Variants in NT5DC4 observed in about 807,000 individuals in gnomAD.
The protein encoded by NT5DC4 is 5'-nucleotidase domain containing 4.
In NT5DC4, 44 loss-of-function variants were observed where a neutral mutation model predicts 26.6. That is an observed-to-expected ratio of 1.65 (90% CI 1.30 to 2.13). The LOEUF is 2.13. Ranked by LOEUF, NT5DC4 falls within the 30% of genes most tolerant of loss-of-function variation. NT5DC4 has a pLI of 0.00. For missense variants in NT5DC4, 399 were observed against 228.1 expected (o/e 1.75, Z -4.83); for synonymous variants, 157 against 86.7 (o/e 1.81, Z -4.51).
chr2:112,724,166 G>C (rs1175795914), intron 10 of NT5DC4, 40 bp downstream of exon 10: 1 of 716,830 alleles, frequency 1.4e-6, no homozygotes, highest in Non-Finnish European at 2.6e-6. Context: ...GGGGTGGGCT[G>C]TGCAAAGGGC....
At chr2:112,719,986 C>T (rs60494832), upstream of NT5DC4, among the ~76,000 whole-genome samples, 191 of 75,168 alleles carry the variant, frequency 2.5e-3, 1 homozygote, top group Admixed American at 6.2e-3. Flanking sequence ...TTCTTTCTTT[C>T]TTTTTCTTTT....
downstream of NT5DC4, chr2:112,742,692 A>G (rs1347601014): frequency 1.9e-6 from 3 of 1,542,868 alleles, no homozygotes; most frequent in Non-Finnish European, 2.7e-6. Flanking sequence ...ATTTAAATTC[A>G]AAAATAATAG....
chr2:112,727,941 G>A (rs1249485196), intron 15 of NT5DC4, among the ~76,000 whole-genome samples: 1 of 152,218 alleles, frequency 6.6e-6, no homozygotes, highest in Non-Finnish European at 1.5e-5. Flanking sequence ...CTGTACTTCC[G>A]AGTGAGCTCA....
chr2:112,724,442 C>T, intron 10 of NT5DC4: 1 of 573,034 alleles, frequency 1.7e-6, no homozygotes, highest in South Asian at 2.1e-5. Context: ...GTCCTGGGCA[C>T]TGGGAGTGAC....
In NT5DC4 at chr2:112,724,838, C is replaced by T; in HGVS notation, c.847C>T (p.Gln283Ter). The stretch of plus-strand genomic sequence containing the variant: ...CTTTGACCTGATCGTGGTGGACACG[C>T]AGAAGCCCCACTTCTTTGCAGAGGG... ...SYFDLIVVDT[Q>*]KPHFFAEGLV... The change falls in exon 11 of 17, where the codon CAG (glutamine) becomes TAG (stop). Residue 283 changes from glutamine to a stop codon, truncating the protein, a stop_gained. Transcript: ENST00000688554. LOFTEE classifies it high-confidence loss of function. The T allele has an allele frequency of 1.4e-6, 1 of 717,218 alleles. No individual in the cohort carries two copies. The highest frequency in any genetic ancestry group is 2.6e-6 in the Non-Finnish European group (1 of 385,036). The allele number at this position is 717,218 out of a possible 1,614,324, so 44.4% of individuals were successfully genotyped here. A position where few individuals can be genotyped will look rare whatever the true frequency, so the allele number is the denominator to read the frequency against.
downstream of NT5DC4, among the ~76,000 whole-genome samples, chr2:112,740,118 T>C (rs1198659150): frequency 6.6e-6 from 1 of 152,248 alleles, no homozygotes; most frequent in Non-Finnish European, 1.5e-5. Context: ...TTAACTGTTT[T>C]CATCTACTTA....
chr2:112,740,893 G>C, downstream of NT5DC4: 1 of 1,613,918 alleles, frequency 6.2e-7, no homozygotes, highest in East Asian at 2.2e-5. Context: ...GGGTGTCGCC[G>C]TGACTTGTTC....
chr2:112,727,900 C>T (rs1051009710), intron 15 of NT5DC4, among the ~76,000 whole-genome samples: 25 of 152,358 alleles, frequency 1.6e-4, no homozygotes, highest in Non-Finnish European at 2.9e-4. Context: ...TGCGCTATGC[C>T]GACCTCTACA....
At chr2:112,742,460 G>T (rs764849603), downstream of NT5DC4, 44 of 717,766 alleles carry the variant, frequency 6.1e-5, no homozygotes, top group Non-Finnish European at 2.3e-5. Context: ...GGATTCCAAG[G>T]AAGTGGGACA....
upstream of NT5DC4, among the ~76,000 whole-genome samples, chr2:112,719,903 T>TC (rs1676682707): frequency 8.5e-6 from 1 of 117,592 alleles, no homozygotes; most frequent in African/African-American, 3.6e-5. Flanking sequence ...TCTTTCTTTC[T>TC]TTTTCTTTCT....
chr2:112,742,634 T>C (rs891433603), downstream of NT5DC4: 46 of 1,031,136 alleles, frequency 4.5e-5, no homozygotes, highest in Non-Finnish European at 6.4e-5. Context: ...TTTCTTCTTT[T>C]TCCTATATGT....
chr2:112,732,420 G>C (rs1335748124), intron 16 of NT5DC4, among the ~76,000 whole-genome samples: 2 of 150,014 alleles, frequency 1.3e-5, no homozygotes, highest in Admixed American at 1.3e-4. Flanking sequence ...GTCTTTACAG[G>C]GGCAGGTTCT....
At chr2:112,740,935 G>T, downstream of NT5DC4, 2 of 1,613,908 alleles carry the variant, frequency 1.2e-6, no homozygotes, top group Non-Finnish European at 8.5e-7. Flanking sequence ...AGACTTCACA[G>T]ATTCCATCTT....
rs1202128377 is a variant in NT5DC4 at position 112,729,675 on chromosome 2, G to A, written c.1315G>A (p.Ala439Thr). The A allele has an allele frequency of 2.8e-6, 2 of 717,872 alleles. No homozygotes were observed. Among genetic ancestry groups the A allele is most frequent in the East Asian group, 2.7e-5 (1 of 37,296 alleles). 44.5% of individuals were successfully genotyped at this position (717,872 alleles called of 1,614,324 possible). A position where few individuals can be genotyped will look rare whatever the true frequency, so the allele number is the denominator to read the frequency against. The change falls in exon 16 of 17, where the codon GCC becomes ACC. Residue 439 changes from alanine (A) to threonine (T), a missense_variant. Transcript: ENST00000688554. ...GCAAGAACAGGCCAATCTAGACCCTGCCTCCTGCCTCCTCTCCTGCAACCA... is the reference window on the plus strand; with the variant it reads ...GCAAGAACAGGCCAATCTAGACCCTACCTCCTGCCTCCTCTCCTGCAACCA... ...VEQEQANLDP[A>T]SCLLSCNQRF... is the part of the protein sequence containing the mutation.
chr2:112,734,369 C>T (rs1348232244), intron 16 of NT5DC4, among the ~76,000 whole-genome samples: 1 of 152,210 alleles, frequency 6.6e-6, no homozygotes, highest in Non-Finnish European at 1.5e-5. Flanking sequence ...ATAGCTTGCT[C>T]TCTCCAACTC....
downstream of NT5DC4, chr2:112,740,903 C>T (rs918093814): frequency 6.2e-6 from 10 of 1,613,870 alleles, no homozygotes; most frequent in Non-Finnish European, 8.5e-6. Flanking sequence ...GTGACTTGTT[C>T]CCTCTCTTTT....
intron 13 of NT5DC4, 91 bp from the exon 14 acceptor site, chr2:112,726,147 C>T: frequency 1.4e-6 from 1 of 707,644 alleles, no homozygotes; most frequent in East Asian, 2.7e-5. Flanking sequence ...GTGTGCAAGT[C>T]CTCCGCTGGG....
intron 13 of NT5DC4, among the ~76,000 whole-genome samples, chr2:112,725,850 T>G (rs1054932908): frequency 1.7e-5 from 1 of 59,120 alleles, no homozygotes; most frequent in Non-Finnish European, 3.7e-5. Flanking sequence ...GACCCCACCC[T>G]CCCCACCCAC....
Position 112,723,475 on chromosome 2 carries a change from G to A in NT5DC4, c.672+7G>A. On this transcript the variant is annotated splice_region_variant and intron_variant, in intron 8 of 16. Transcript: ENST00000688554. ...GAAATATGTGAAGAAGGATGTGAGT[G>A]GCCACAGACCCAGGGCCATGGCCAT... 1 of 717,164 alleles carries A rather than the reference G, an allele frequency of 1.4e-6. No homozygotes were observed. The highest frequency in any genetic ancestry group is 2.6e-6 in the Non-Finnish European group (1 of 385,050). 44.4% of individuals were successfully genotyped at this position (717,164 alleles called of 1,614,324 possible).
Sources: allele counts gnomAD v4.1 joint callset (sites outside exome capture counted in the v4.1 genomes callset), GRCh38; gene constraint gnomAD v4.1.1; transcripts MANE v1.5; gene names NCBI Gene and HGNC (gene_info 2026-07-23, HGNC 2026-07-21).